The following FANK1 variants were observed in gnomAD, a reference collection of about 807,000 sequenced individuals.
FANK1 encodes the protein fibronectin type 3 and ankyrin repeat domains protein 1.
In FANK1, 44 loss-of-function variants were observed where a neutral mutation model predicts 45.3. That is an observed-to-expected ratio of 0.97 (90% CI 0.76 to 1.25). The LOEUF is 1.25. FANK1 is among the 50% of genes most tolerant of loss of function. The pLI is 0.00. For synonymous variants in FANK1, 149 were observed against 152.5 expected, an observed-to-expected ratio of 0.98 and a Z score of 0.17; for missense variants, 391 against 424.4, an observed-to-expected ratio of 0.92 and a Z score of 0.69.
intron 3 of FANK1, among the ~76,000 whole-genome samples, chr10:125,991,606 C>T (rs1302624493): frequency 6.6e-6 from 1 of 152,158 alleles, no homozygotes; most frequent in African/African-American, 2.4e-5. Context: ...GTCACAGAGG[C>T]ATGCACTTTG....
intron 1 of FANK1, among the ~76,000 whole-genome samples, chr10:125,978,672 C>T (rs1951001996): frequency 6.6e-6 from 1 of 152,070 alleles, no homozygotes; most frequent in African/African-American, 2.4e-5. Flanking sequence ...CTCTCCAAAG[C>T]CTGAAAGCTA....
intron 6 of FANK1, among the ~76,000 whole-genome samples, chr10:126,000,182 A>G (rs543939947): frequency 1.3e-5 from 2 of 152,300 alleles, no homozygotes; most frequent in South Asian, 2.1e-4. Context: ...TACAATTTTT[A>G]GTTCTTCTCA....
intron 1 of FANK1, among the ~76,000 whole-genome samples, chr10:125,967,605 CATTT>C (rs1365677072): frequency 1.3e-5 from 2 of 152,040 alleles, no homozygotes; most frequent in East Asian, 1.9e-4. Context: ...AATTTTTATT[CATTT>C]ATTTATTTTT....
At chr10:125,943,978 A>G (rs1045577134) in intron 1 of FANK1, among the ~76,000 whole-genome samples, 2 of 152,274 alleles carry the variant, frequency 1.3e-5, no homozygotes, top group Admixed American at 1.3e-4. Context: ...CACGTCTTCT[A>G]AAAGTCACGT....
chr10:125,954,190 C>T (rs769193712), intron 1 of FANK1, among the ~76,000 whole-genome samples: 1 of 145,248 alleles, frequency 6.9e-6, no homozygotes, highest in Non-Finnish European at 1.5e-5. Flanking sequence ...AGAGCCATTG[C>T]GACAGGAGGG....
Position 125,952,022 on chromosome 10 carries a change from A to G in FANK1, c.14-28139A>G, listed in dbSNP as rs955577973. On this transcript the variant is annotated intron_variant, in intron 1 of 10. Transcript: ENST00000368693. ...TTTGCTATATTGGTGGCAATTTTGC[A>G]TGCTGCTTTATCTGGAACTGTCAGA... Among the ~76,000 whole-genome samples the G allele has an allele frequency of 2.0e-5, 3 of 152,312 alleles. No individual in the cohort carries two copies. The East Asian group carries it at 5.8e-4, about 29-fold the overall frequency.
At chr10:125,916,051 T>C (rs1946422667) in intron 1 of FANK1, among the ~76,000 whole-genome samples, 1 of 152,126 alleles carries the variant, frequency 6.6e-6, no homozygotes, top group Admixed American at 6.5e-5. Context: ...TTTTTTTTCT[T>C]TTCAGACGGA....
chr10:125,969,618 CTTTTTTTTTAAA>C (rs1396625823), intron 1 of FANK1, among the ~76,000 whole-genome samples: 1 of 150,898 alleles, frequency 6.6e-6, no homozygotes, highest in African/African-American at 2.4e-5. Flanking sequence ...TTGAATTTTT[CTTTTTTTTTAAA>C]TTTTTTTTAG....
intron 1 of FANK1, among the ~76,000 whole-genome samples, chr10:125,947,423 A>G (rs1250731857): frequency 8.0e-5 from 12 of 149,980 alleles, no homozygotes; most frequent in South Asian, 4.3e-4. Flanking sequence ...AGGAAGATCT[A>G]CCAAGCAAAT....
At chr10:125,925,291 T>A (rs1393133381) in intron 1 of FANK1, among the ~76,000 whole-genome samples, 1 of 152,376 alleles carries the variant, frequency 6.6e-6, no homozygotes, top group African/African-American at 2.4e-5. Context: ...CATCTTTTTT[T>A]AATTTGAACT....
chr10:126,007,945 A>G (rs1471463614), intron 7 of FANK1, among the ~76,000 whole-genome samples: 2 of 152,248 alleles, frequency 1.3e-5, no homozygotes, highest in Non-Finnish European at 2.9e-5. Context: ...GAGTTTGTGT[A>G]ATGAATCTGG....
At chr10:125,966,213 C>G (rs552425394) in intron 1 of FANK1, among the ~76,000 whole-genome samples, 1 of 152,064 alleles carries the variant, frequency 6.6e-6, no homozygotes, top group Non-Finnish European at 1.5e-5. Context: ...TTTGCACTTA[C>G]GTTACTTACT....
chr10:125,988,526 A>G, intron 2 of FANK1, 25 bp from the exon 3 acceptor site: 1 of 1,610,966 alleles, frequency 6.2e-7, no homozygotes, highest in Non-Finnish European at 8.5e-7. Flanking sequence ...TGGTGTTATC[A>G]GCATGTTTGT....
intron 1 of FANK1, among the ~76,000 whole-genome samples, chr10:125,932,560 A>C (rs1947822775): frequency 6.6e-6 from 1 of 152,154 alleles, no homozygotes; most frequent in African/African-American, 2.4e-5. Context: ...TGTGTACATT[A>C]ATCTTGCATC....
chr10:125,998,552 TAGAA>T (rs1380912014), intron 6 of FANK1, among the ~76,000 whole-genome samples: 5 of 152,060 alleles, frequency 3.3e-5, no homozygotes, highest in Admixed American at 6.5e-5. Flanking sequence ...GATTAAAAAA[TAGAA>T]AGGTTATTGA....
chr10:125,910,822 T>A (rs1945937428), intron 1 of FANK1, among the ~76,000 whole-genome samples: 1 of 151,942 alleles, frequency 6.6e-6, no homozygotes, highest in South Asian at 2.1e-4. Context: ...ATCATGAGGT[T>A]AGGAGATTGA....
At chr10:125,961,081 T>C (rs1174724467) in intron 1 of FANK1, among the ~76,000 whole-genome samples, 1 of 152,182 alleles carries the variant, frequency 6.6e-6, no homozygotes, top group African/African-American at 2.4e-5. Flanking sequence ...GAAAGTAATG[T>C]ATTCGTCTAC....
chr10:125,923,327 G>C (rs1437328049), intron 1 of FANK1, among the ~76,000 whole-genome samples: 1 of 151,558 alleles, frequency 6.6e-6, no homozygotes, highest in African/African-American at 2.4e-5. Context: ...TTGGTGTGGT[G>C]GTGGGTGCCT....
At chr10:125,980,126 T>C (rs1168554728) in intron 1 of FANK1, 35 bp from the exon 2 acceptor site, 3 of 1,593,270 alleles carry the variant, frequency 1.9e-6, no homozygotes, top group Admixed American at 3.6e-5. Flanking sequence ...TTATGGAAAC[T>C]GGGTCCTGAA....
Sources: gnomAD v4.1 joint callset for allele counts (sites outside exome capture counted in the v4.1 genomes callset) on GRCh38, gnomAD v4.1.1 for gene constraint, MANE v1.5 for transcripts, NCBI Gene and HGNC (gene_info 2026-07-23, HGNC 2026-07-21) for gene names.